Variants in FGF7 observed in about 807,000 individuals in gnomAD.
FGF7 encodes the protein fibroblast growth factor 7.
FGF7 carries 6 observed loss-of-function variants against 20.5 expected under a neutral mutation model. The ratio of observed to expected loss-of-function variants is 0.29; its 90% CI spans 0.16 to 0.58. The LOEUF is 0.58. Ranked by LOEUF, FGF7 falls within the 20% of genes least tolerant of loss-of-function variation. The pLI is 0.90. For missense variants in FGF7, 144 were observed against 228.8 expected (o/e 0.63, Z 2.39); for synonymous variants, 64 against 74.7 (o/e 0.86, Z 0.74).
intron 2 of FGF7, among the ~76,000 whole-genome samples, chr15:49,468,529 T>C (rs1472232138): frequency 2.6e-5 from 4 of 152,148 alleles, no homozygotes; most frequent in Non-Finnish European, 5.9e-5. Flanking sequence ...ACGACAAGAT[T>C]AGTATTATCA....
intron 2 of FGF7, among the ~76,000 whole-genome samples, 171 bp from the exon 3 acceptor site, chr15:49,482,980 C>G (rs3985839): frequency 6.6e-6 from 1 of 152,154 alleles, no homozygotes; most frequent in African/African-American, 2.4e-5. Context: ...TAATGACTAT[C>G]TTGGTGTTTG....
At chr15:49,433,863 T>C (rs1424404377) in intron 2 of FGF7, among the ~76,000 whole-genome samples, 2 of 151,732 alleles carry the variant, frequency 1.3e-5, no homozygotes, top group South Asian at 2.1e-4. Flanking sequence ...ATAGTTGATA[T>C]TGGTTTAAGG....
intron 2 of FGF7, among the ~76,000 whole-genome samples, chr15:49,481,055 T>C (rs1287126743): frequency 6.6e-6 from 1 of 152,170 alleles, no homozygotes; most frequent in Non-Finnish European, 1.5e-5. Context: ...CATTCTCTTT[T>C]TATCTAAAAG....
intron 2 of FGF7, among the ~76,000 whole-genome samples, chr15:49,465,437 ACTT>A (rs1405301471): frequency 2.0e-5 from 3 of 151,818 alleles, no homozygotes; most frequent in Non-Finnish European, 4.4e-5. Flanking sequence ...TGCCCGGCCT[ACTT>A]CTTAAAGTGT....
chr15:49,484,769 T>G lies in FGF7; in HGVS notation c.*265T>G. ...TGTAAAACTGGTTGTACAATCATGA[T>G]GTTAGTAACAGTAATTTTTTTCTTA... is the stretch of plus-strand genomic sequence containing the variant. On this transcript the variant is annotated 3_prime_UTR_variant, in exon 4 of 4. Transcript: ENST00000267843. 1 of 295,516 alleles carries G rather than the reference T, an allele frequency of 3.4e-6. No homozygotes were observed. The highest frequency in any genetic ancestry group is 6.2e-6 in the Non-Finnish European group (1 of 161,856). The allele number at this position is 295,516 out of a possible 1,614,324, so 18.3% of individuals were successfully genotyped here. A position where few individuals can be genotyped will look rare whatever the true frequency, so the allele number is the denominator to read the frequency against.
chr15:49,457,314 G>A (rs1685504088), intron 2 of FGF7, among the ~76,000 whole-genome samples: 1 of 151,924 alleles, frequency 6.6e-6, no homozygotes, highest in South Asian at 2.1e-4. Flanking sequence ...AATCAAATCA[G>A]CGTGTAAACT....
chr15:49,449,738 TG>T (rs1325456607), intron 2 of FGF7, among the ~76,000 whole-genome samples: 4 of 152,094 alleles, frequency 2.6e-5, no homozygotes, highest in Admixed American at 1.3e-4. Context: ...AATTGCTTTT[TG>T]TATTTACAGT....
intron 2 of FGF7, among the ~76,000 whole-genome samples, chr15:49,482,245 CTTTA>C (rs1244227216): frequency 1.3e-5 from 2 of 151,836 alleles, no homozygotes; most frequent in South Asian, 2.1e-4. Context: ...TGAGATTTTA[CTTTA>C]TTTAGTGTGT....
At chr15:49,441,044 T>C (rs924676990) in intron 2 of FGF7, among the ~76,000 whole-genome samples, 1 of 151,758 alleles carries the variant, frequency 6.6e-6, no homozygotes, top group African/African-American at 2.4e-5. Context: ...AACATAACAC[T>C]TAAATACTTA....
chr15:49,428,478 A>G (rs1168868589), intron 2 of FGF7, among the ~76,000 whole-genome samples: 1 of 151,978 alleles, frequency 6.6e-6, no homozygotes, highest in Non-Finnish European at 1.5e-5. Flanking sequence ...CATGGGGACA[A>G]GATCAGAGGG....
rs551190716 is a variant in FGF7, at chr15:49,466,302, T to C, written c.287-16849T>C. On this transcript the variant is annotated intron_variant, in intron 2 of 3. Coordinates refer to ENST00000267843, the MANE Select transcript of FGF7 (RefSeq NM_002009.4). ...ATGCAATCAGTCCATGAGGCAATAT[T>C]TGGGAAGTACTTGAGTAGAGCATTC... Among the ~76,000 whole-genome samples the C allele has an allele frequency of 8.8e-4, 134 of 152,288 alleles. 5 individuals are homozygous for C. The South Asian group carries it at 0.027, about 30-fold the overall frequency.
intron 2 of FGF7, among the ~76,000 whole-genome samples, chr15:49,435,236 T>TA (rs1258383249): frequency 6.6e-6 from 1 of 151,600 alleles, no homozygotes; most frequent in African/African-American, 2.4e-5. Flanking sequence ...ATAATCACTG[T>TA]AAAATCGAAG....
intron 2 of FGF7, among the ~76,000 whole-genome samples, chr15:49,440,769 T>C (rs1268240495): frequency 6.6e-6 from 1 of 151,710 alleles, no homozygotes; most frequent in Non-Finnish European, 1.5e-5. Context: ...AGTCAGGACC[T>C]GAACTCAGGG....
chr15:49,453,137 T>A (rs1222577587), intron 2 of FGF7, among the ~76,000 whole-genome samples: 1 of 152,172 alleles, frequency 6.6e-6, no homozygotes, highest in Non-Finnish European at 1.5e-5. Flanking sequence ...GGTAGTAGCA[T>A]GTTTGGTTCC....
intron 2 of FGF7, among the ~76,000 whole-genome samples, chr15:49,456,937 C>G (rs148148418): frequency 4.6e-5 from 7 of 152,084 alleles, no homozygotes; most frequent in African/African-American, 1.7e-4. Context: ...AAAAAGATAC[C>G]TTCATATTAT....
At chr15:49,448,992 T>TA (rs971075570) in intron 2 of FGF7, among the ~76,000 whole-genome samples, 9 of 151,566 alleles carry the variant, frequency 5.9e-5, no homozygotes, top group South Asian at 2.1e-4. Flanking sequence ...GATATGCCAC[T>TA]AAAAAAAACA....
At chr15:49,442,237 T>C (rs901822556) in intron 2 of FGF7, among the ~76,000 whole-genome samples, 4 of 151,696 alleles carry the variant, frequency 2.6e-5, no homozygotes, top group African/African-American at 9.7e-5. Flanking sequence ...CTATTTTTCC[T>C]AGACTATAAA....
intron 2 of FGF7, among the ~76,000 whole-genome samples, chr15:49,426,336 G>A (rs1274275326): frequency 1.3e-5 from 2 of 151,900 alleles, no homozygotes; most frequent in Non-Finnish European, 2.9e-5. Flanking sequence ...TGAGATGAAA[G>A]TAATAGGATA....
intron 2 of FGF7, among the ~76,000 whole-genome samples, chr15:49,457,100 A>AT (rs911970882): frequency 6.6e-6 from 1 of 152,062 alleles, no homozygotes; most frequent in Non-Finnish European, 1.5e-5. Context: ...AGACTCCATA[A>AT]TTTACAGCAA....
Sources: allele counts gnomAD v4.1 joint callset (sites outside exome capture counted in the v4.1 genomes callset), GRCh38; gene constraint gnomAD v4.1.1; transcripts MANE v1.5; gene names NCBI Gene and HGNC (gene_info 2026-07-23, HGNC 2026-07-21).